Variants in PDE1A observed in about 807,000 individuals in gnomAD.
PDE1A encodes the protein phosphodiesterase 1A.
Under a neutral mutation model 61.7 loss-of-function variants are expected in PDE1A, and 35 were observed. The observed-to-expected ratio is 0.57, with a 90% CI of 0.43 to 0.75. PDE1A has a LOEUF of 0.75. Among genes scored for constraint, PDE1A ranks in the 30% least tolerant of loss-of-function variants. The pLI is 0.00. For synonymous variants in PDE1A, 232 were observed against 213.2 expected (o/e 1.09, Z -0.77); for missense variants, 597 against 630.6 (o/e 0.95, Z 0.57).
chr2:182,462,500 G>A (rs1275466336), intron 2 of PDE1A, among the ~76,000 whole-genome samples: 1 of 152,018 alleles, frequency 6.6e-6, no homozygotes, highest in African/African-American at 2.4e-5. Context: ...GACAAGGACA[G>A]CCACGTTTAG....
chr2:182,412,660 C>G (rs749621801), intron 1 of PDE1A, among the ~76,000 whole-genome samples: 1 of 152,152 alleles, frequency 6.6e-6, no homozygotes, highest in Non-Finnish European at 1.5e-5. Context: ...CTACCACTAA[C>G]TAGCTGTGAG....
chr2:182,342,689 G>GA (rs1181382849), intron 1 of PDE1A, among the ~76,000 whole-genome samples: 8 of 152,014 alleles, frequency 5.3e-5, no homozygotes, highest in Admixed American at 4.6e-4. Flanking sequence ...TCTCAAAAAT[G>GA]AAAAACAAAA....
At chr2:182,363,678 G>T (rs944231764) in intron 1 of PDE1A, among the ~76,000 whole-genome samples, 1 of 152,038 alleles carries the variant, frequency 6.6e-6, no homozygotes, top group East Asian at 1.9e-4. Context: ...AAGAAAAAAG[G>T]CTGCAAAAGG....
At chr2:182,439,780 A>G (rs1684672765) in intron 2 of PDE1A, among the ~76,000 whole-genome samples, 1 of 152,134 alleles carries the variant, frequency 6.6e-6, no homozygotes. Context: ...TTCTATGGAA[A>G]TAAATATGAA....
intron 9 of PDE1A, 21 bp downstream of exon 9, chr2:182,201,662 AACAAC>A (rs1375466314): frequency 1.4e-5 from 21 of 1,544,862 alleles, no homozygotes; most frequent in Non-Finnish European, 1.2e-5. Flanking sequence ...AAAAAAAAAA[AACAAC>A]AAAAAAAACA....
Position 182,324,471 on chromosome 2 carries a change from A to T in PDE1A, c.54-60057T>A, listed in dbSNP as rs112312819. ...TCCAAAACATAGTTACTTAGTTGTC[A>T]TAATTACCTGTATATGAGAAAATTA... On this transcript the variant is annotated intron_variant, in intron 1 of 13. Coordinates refer to ENST00000351439, the Ensembl canonical transcript of PDE1A. Among the ~76,000 whole-genome samples, 1,317 of 152,292 alleles carry T rather than the reference A, an allele frequency of 8.6e-3. 22 individuals carry two copies. Among genetic ancestry groups the T allele is most frequent in the South Asian group, 0.069 (335 of 4,824 alleles).
the PDE1A span, among the ~76,000 whole-genome samples, chr2:182,648,511 C>CAAAAAAAAAAAAATAA: frequency 1.3e-5 from 1 of 76,220 alleles, no homozygotes; most frequent in Non-Finnish European, 2.4e-5. Context: ...CCTGTCCCCA[C>CAAAAAAAAAAAAATAA]AAAAAAAAAA....
chr2:182,558,271 C>A, the PDE1A span, among the ~76,000 whole-genome samples: 1 of 151,468 alleles, frequency 6.6e-6, no homozygotes, highest in Admixed American at 6.6e-5. Flanking sequence ...AAAGAGTCTA[C>A]AAATATTTTA....
At chr2:182,559,518 A>C in the PDE1A span, among the ~76,000 whole-genome samples, 1 of 152,214 alleles carries the variant, frequency 6.6e-6, no homozygotes, top group African/African-American at 2.4e-5. Context: ...GAATTCTCTG[A>C]CATTGCTTGT....
At chr2:182,550,523 T>C in the PDE1A span, among the ~76,000 whole-genome samples, 1 of 152,172 alleles carries the variant, frequency 6.6e-6, no homozygotes, top group African/African-American at 2.4e-5. Flanking sequence ...GTACTGGTGA[T>C]TTTAAGACCT....
chr2:182,306,933 G>A (rs942504523), intron 1 of PDE1A, among the ~76,000 whole-genome samples: 1 of 152,028 alleles, frequency 6.6e-6, no homozygotes, highest in African/African-American at 2.4e-5. Context: ...TGCAACAAAA[G>A]CAAAAGTAGA....
At chr2:182,273,563 TAAA>T (rs1206234064) in intron 1 of PDE1A, among the ~76,000 whole-genome samples, 1 of 151,934 alleles carries the variant, frequency 6.6e-6, no homozygotes, top group African/African-American at 2.4e-5. Context: ...GAGGTAGACA[TAAA>T]GAAGAAAATA....
chr2:182,218,061 C>T (rs1383889674), intron 7 of PDE1A, among the ~76,000 whole-genome samples: 3 of 148,530 alleles, frequency 2.0e-5, no homozygotes, highest in South Asian at 2.1e-4. Flanking sequence ...AAATGTGGCA[C>T]ATATACACCA....
the PDE1A span, among the ~76,000 whole-genome samples, chr2:182,561,717 C>A: frequency 6.6e-6 from 1 of 151,870 alleles, no homozygotes; most frequent in Admixed American, 6.6e-5. Flanking sequence ...TTGTTTGTAT[C>A]CTCTTTTATT....
At chr2:182,407,827 A>T (rs943868703) in intron 1 of PDE1A, among the ~76,000 whole-genome samples, 4 of 152,168 alleles carry the variant, frequency 2.6e-5, no homozygotes, top group Non-Finnish European at 5.9e-5. Context: ...ACGCCCTGAA[A>T]GTTTCTCCCA....
chr2:182,246,473 G>A (rs1043208305), intron 2 of PDE1A, among the ~76,000 whole-genome samples: 10 of 131,652 alleles, frequency 7.6e-5, no homozygotes, highest in African/African-American at 2.0e-4. Context: ...GCATGATCTC[G>A]GCTCACTGCA....
At chr2:182,492,588 A>T (rs1688459680) in intron 2 of PDE1A, among the ~76,000 whole-genome samples, 1 of 152,086 alleles carries the variant, frequency 6.6e-6, no homozygotes, top group African/African-American at 2.4e-5. Context: ...TATAGATCAT[A>T]TTATAAATTA....
rs536455525 is a variant in PDE1A at position 182,402,751 on chromosome 2, T to C, written c.53+23827A>G. The stretch of plus-strand genomic sequence containing the variant: ...CAGAGTGAACAGGCAACCTACAGAA[T>C]GGGAGAAAATTCTTGCAATCTATCC... On this transcript the variant is annotated intron_variant, in intron 1 of 13. Coordinates refer to ENST00000351439, the Ensembl canonical transcript of PDE1A. Among the ~76,000 whole-genome samples, 99 of 152,276 alleles carry C rather than the reference T, an allele frequency of 6.5e-4. 1 individual carries two copies. The highest frequency in any genetic ancestry group is 9.6e-4 in the East Asian group (5 of 5,182).
chr2:182,365,269 C>T (rs1699772587), intron 1 of PDE1A, among the ~76,000 whole-genome samples: 1 of 151,956 alleles, frequency 6.6e-6, no homozygotes. Context: ...TCATCTTGCA[C>T]ATAAGTCACG....
Sources: gnomAD v4.1 joint callset for allele counts (sites outside exome capture counted in the v4.1 genomes callset) on GRCh38, gnomAD v4.1.1 for gene constraint, MANE v1.5 for transcripts, NCBI Gene and HGNC (gene_info 2026-07-23, HGNC 2026-07-21) for gene names.